GTF2F2: variants seen among roughly 807,000 people sequenced by gnomAD.
GTF2F2 encodes the protein ATP-dependent helicase GTF2F2.
GTF2F2 carries 23 observed loss-of-function variants against 42.2 expected under a neutral mutation model. The observed-to-expected ratio is 0.55, with a 90% CI of 0.39 to 0.77. The LOEUF is 0.77. Ranked by LOEUF, GTF2F2 falls within the 30% of genes least tolerant of loss-of-function variation. GTF2F2 has a pLI of 0.00. For synonymous variants in GTF2F2, 105 were observed against 100.8 expected (o/e 1.04, Z -0.25); for missense variants, 261 against 287.2 (o/e 0.91, Z 0.66).
At chr13:45,193,913 T>A in intron 4 of GTF2F2, 1 of 1,614,106 alleles carries the variant, frequency 6.2e-7, no homozygotes, top group Non-Finnish European at 8.5e-7. Flanking sequence ...GTTTCCAAGG[T>A]ACAGACAAAG....
intron 5 of GTF2F2, among the ~76,000 whole-genome samples, chr13:45,227,370 T>G (rs1566142110): frequency 1.3e-5 from 2 of 152,236 alleles, no homozygotes; most frequent in South Asian, 4.1e-4. Context: ...TATATTCTGC[T>G]TCAGTTTATC....
Position 45,151,911 on chromosome 13 carries a change from C to CTTTTTT in GTF2F2, c.304+96_304+101dup, listed in dbSNP as rs773005628. 70 of 142,200 alleles carry CTTTTTT rather than the reference C, an allele frequency of 4.9e-4. 1 individual carries two copies. Among genetic ancestry groups the CTTTTTT allele is most frequent in the Non-Finnish European group, 5.7e-4 (44 of 77,556 alleles). 8.8% of individuals were successfully genotyped at this position (142,200 alleles called of 1,614,324 possible). A position where few individuals can be genotyped will look rare whatever the true frequency, so the allele number is the denominator to read the frequency against. On this transcript the variant is annotated intron_variant, in intron 4 of 7. Coordinates refer to ENST00000340473, the MANE Select transcript of GTF2F2 (RefSeq NM_004128.3). ...CTGTCTCAACATACACTCCTATTTG[C>CTTTTTT]TTTTTTTTTTTTTTTTTTTTTGCGA... is the stretch of plus-strand genomic sequence containing the variant.
At chr13:45,153,998 AAAG>A in intron 4 of GTF2F2, among the ~76,000 whole-genome samples, 1 of 151,316 alleles carries the variant, frequency 6.6e-6, no homozygotes, top group East Asian at 1.9e-4. Flanking sequence ...AAAAAAAAAA[AAAG>A]AGTTAAAGAG....
In GTF2F2 at chr13:45,173,857, T is replaced by C. The variant is rs1466077560; in HGVS notation, c.304+22026T>C. Among the ~76,000 whole-genome samples, 3 of 152,226 alleles carry C rather than the reference T, an allele frequency of 2.0e-5. No individual in the cohort carries two copies. The East Asian group carries it at 5.8e-4, about 29-fold the overall frequency. ...TGGTCTCGATCTCCTGACCTCGTGATCCACCTGCCTCAGCCTCCCAAAGTG... is the reference window on the plus strand; with the variant it reads ...TGGTCTCGATCTCCTGACCTCGTGACCCACCTGCCTCAGCCTCCCAAAGTG... On this transcript the variant is annotated intron_variant, in intron 4 of 7. Coordinates refer to ENST00000340473, the MANE Select transcript of GTF2F2 (RefSeq NM_004128.3).
At chr13:45,229,320 G>A (rs1305408151) in intron 5 of GTF2F2, among the ~76,000 whole-genome samples, 4 of 150,006 alleles carry the variant, frequency 2.7e-5, no homozygotes, top group African/African-American at 7.4e-5. Flanking sequence ...TCCCACCACC[G>A]CCTTCTTTGT....
intron 5 of GTF2F2, among the ~76,000 whole-genome samples, chr13:45,227,716 A>G (rs1874428378): frequency 6.6e-6 from 1 of 152,240 alleles, no homozygotes; most frequent in African/African-American, 2.4e-5. Flanking sequence ...AATGTATTAA[A>G]TGGAATGTAA....
intron 2 of GTF2F2, among the ~76,000 whole-genome samples, chr13:45,143,577 G>A (rs1870039364): frequency 6.6e-6 from 1 of 152,208 alleles, no homozygotes; most frequent in South Asian, 2.1e-4. Context: ...CTAATGTGGT[G>A]TGGGAGGACC....
chr13:45,204,248 A>G (rs1031961879), intron 4 of GTF2F2, among the ~76,000 whole-genome samples: 2 of 152,276 alleles, frequency 1.3e-5, no homozygotes, highest in East Asian at 1.9e-4. Context: ...CAAGCTATTC[A>G]TATCTATACT....
intron 6 of GTF2F2, among the ~76,000 whole-genome samples, chr13:45,256,587 A>G (rs1258333211): frequency 6.6e-6 from 1 of 152,142 alleles, no homozygotes; most frequent in Non-Finnish European, 1.5e-5. Context: ...TGAATGTTTA[A>G]TCATTATTTC....
Position 45,222,626 on chromosome 13 carries a change from A to G in GTF2F2, c.386+15121A>G, listed in dbSNP as rs552269445. Among the ~76,000 whole-genome samples, 13 of 152,310 alleles carry G rather than the reference A, an allele frequency of 8.5e-5. No individual in the cohort carries two copies. The South Asian group carries it at 2.7e-3, about 32-fold the overall frequency. ...TTTTTCCCCTCAGAATCAATATTGT[A>G]ATTCCAAGGGTTTTACAGCCCAAGC... is the stretch of plus-strand genomic sequence containing the variant. On this transcript the variant is annotated intron_variant, in intron 5 of 7. Coordinates refer to ENST00000340473, the MANE Select transcript of GTF2F2 (RefSeq NM_004128.3).
At chr13:45,132,132 T>C (rs1226894398) in intron 1 of GTF2F2, among the ~76,000 whole-genome samples, 13 of 152,186 alleles carry the variant, frequency 8.5e-5, no homozygotes, top group Admixed American at 8.5e-4. Context: ...GCTTAATGTA[T>C]TAATTATCTA....
At chr13:45,221,560 C>T (rs1220862836) in intron 5 of GTF2F2, among the ~76,000 whole-genome samples, 1 of 152,160 alleles carries the variant, frequency 6.6e-6, no homozygotes, top group East Asian at 1.9e-4. Flanking sequence ...CAGGGCCCTT[C>T]CAAGTGGGGT....
chr13:45,135,063 C>T (rs1043668592), intron 1 of GTF2F2, among the ~76,000 whole-genome samples: 5 of 151,870 alleles, frequency 3.3e-5, no homozygotes, highest in Non-Finnish European at 7.4e-5. Flanking sequence ...AAGCAATTCT[C>T]GTGCCTTAGT....
At chr13:45,152,537 A>C (rs912692002) in intron 4 of GTF2F2, among the ~76,000 whole-genome samples, 1 of 152,196 alleles carries the variant, frequency 6.6e-6, no homozygotes, top group African/African-American at 2.4e-5. Flanking sequence ...ATACAGTTTG[A>C]TATTAGGGAA....
At chr13:45,248,082 A>G (rs953949349) in intron 5 of GTF2F2, among the ~76,000 whole-genome samples, 1 of 152,068 alleles carries the variant, frequency 6.6e-6, no homozygotes, top group Non-Finnish European at 1.5e-5. Flanking sequence ...TGACCTCATG[A>G]TCTGCCCACC....
At chr13:45,186,690 A>G (rs1013706815) in intron 4 of GTF2F2, among the ~76,000 whole-genome samples, 6 of 152,244 alleles carry the variant, frequency 3.9e-5, no homozygotes, top group Non-Finnish European at 8.8e-5. Flanking sequence ...AATTCTTTGT[A>G]AAATAACAGT....
At chr13:45,157,151 T>G (rs1870801163) in intron 4 of GTF2F2, among the ~76,000 whole-genome samples, 1 of 152,114 alleles carries the variant, frequency 6.6e-6, no homozygotes, top group East Asian at 1.9e-4. Context: ...GTTAGCCAGC[T>G]AGGAGTTTTT....
At chr13:45,191,224 A>AAAAATAT in intron 4 of GTF2F2, among the ~76,000 whole-genome samples, 4 of 75,346 alleles carry the variant, frequency 5.3e-5, no homozygotes, top group Admixed American at 1.4e-4. Flanking sequence ...ACAAAAAAAA[A>AAAAATAT]ATATATATAT....
chr13:45,194,428 T>C, intron 4 of GTF2F2: 1 of 1,614,200 alleles, frequency 6.2e-7, no homozygotes, highest in Non-Finnish European at 8.5e-7. Flanking sequence ...TGTTTGTTTT[T>C]GAGTAATGTA....
Sources: gnomAD v4.1 joint callset for allele counts (sites outside exome capture counted in the v4.1 genomes callset) on GRCh38, gnomAD v4.1.1 for gene constraint, MANE v1.5 for transcripts, NCBI Gene and HGNC (gene_info 2026-07-23, HGNC 2026-07-21) for gene names.